Variants in BABAM2 observed in about 807,000 individuals in gnomAD.
The protein encoded by BABAM2 is BRISC and BRCA1 A complex member 2, also known as BRISC and BRCA1-A complex member 2.
A neutral mutation model predicts 54.7 loss-of-function variants in BABAM2; 31 were observed. The ratio of observed to expected loss-of-function variants is 0.57; its 90% CI spans 0.43 to 0.77. The LOEUF (loss-of-function observed/expected upper bound fraction) is 0.77. Ranked by LOEUF, BABAM2 falls within the 30% of genes least tolerant of loss-of-function variation. The pLI, the probability that BABAM2 is intolerant of heterozygous loss-of-function variation, is 0.00. For missense variants in BABAM2, 364 were observed against 455.8 expected, an observed-to-expected ratio of 0.80 and a Z score of 1.83; for synonymous variants, 167 against 162.9, an observed-to-expected ratio of 1.03 and a Z score of -0.19.
chr2:28,138,765 AT>A (rs1427112025), intron 7 of BABAM2, among the ~76,000 whole-genome samples: 3 of 152,048 alleles, frequency 2.0e-5, no homozygotes, highest in African/African-American at 7.2e-5. Flanking sequence ...ACCTCTTGCT[AT>A]TGCTTCCCAT....
In BABAM2 at chr2:28,286,991, C is replaced by G. The variant is rs904263834; in HGVS notation, c.935-11347C>G. Among the ~76,000 whole-genome samples the G allele has an allele frequency of 2.6e-5, 4 of 152,092 alleles. No homozygotes were observed. In the South Asian group the frequency reaches 8.3e-4, roughly 32 times the overall value. ...ACTTTTTTTTTTCTTCCTAAAGCCACATTAGTCATACTTCGCATTGGGGTA... is the reference window on the plus strand; with the variant it reads ...ACTTTTTTTTTTCTTCCTAAAGCCAGATTAGTCATACTTCGCATTGGGGTA... On this transcript the variant is annotated intron_variant, in intron 10 of 11. Coordinates refer to ENST00000379624, the MANE Select transcript of BABAM2 (RefSeq NM_199191.3).
chr2:28,272,219 T>G (rs1011138217), intron 10 of BABAM2, among the ~76,000 whole-genome samples: 1 of 152,252 alleles, frequency 6.6e-6, no homozygotes, highest in Non-Finnish European at 1.5e-5. Context: ...AGAACTTCAA[T>G]TCAAAGGACA....
At chr2:28,028,998 C>T (rs943545758) in intron 5 of BABAM2, among the ~76,000 whole-genome samples, 3 of 152,116 alleles carry the variant, frequency 2.0e-5, no homozygotes, top group African/African-American at 7.2e-5. Flanking sequence ...AATTCATGAC[C>T]TCAGGTGATC....
chr2:28,217,501 C>G (rs959130779), intron 7 of BABAM2, among the ~76,000 whole-genome samples: 6 of 152,178 alleles, frequency 3.9e-5, no homozygotes, highest in Non-Finnish European at 7.3e-5. Context: ...ATTATTATCC[C>G]CATTTCATAG....
At chr2:28,319,939 A>C (rs1285690172) in intron 11 of BABAM2, among the ~76,000 whole-genome samples, 1 of 152,118 alleles carries the variant, frequency 6.6e-6, no homozygotes, top group Non-Finnish European at 1.5e-5. Flanking sequence ...CCCACTGCGC[A>C]GTGTGTGCTG....
At chr2:28,229,082 T>A (rs1050438098) in intron 7 of BABAM2, among the ~76,000 whole-genome samples, 1 of 152,172 alleles carries the variant, frequency 6.6e-6, no homozygotes, top group Admixed American at 6.5e-5. Flanking sequence ...AAAATAAGTT[T>A]AATAAATATT....
intron 2 of BABAM2, among the ~76,000 whole-genome samples, chr2:27,902,943 GAGAA>G (rs1196654778): frequency 6.6e-6 from 1 of 151,822 alleles, no homozygotes; most frequent in African/African-American, 2.4e-5. Context: ...GAGAGAGAGA[GAGAA>G]AGAGAGTTTT....
At chr2:28,222,448 G>A (rs1043026444) in intron 7 of BABAM2, among the ~76,000 whole-genome samples, 7 of 152,300 alleles carry the variant, frequency 4.6e-5, no homozygotes, top group African/African-American at 1.2e-4. Context: ...GAGTCTGAGC[G>A]AAACTACTTT....
intron 7 of BABAM2, among the ~76,000 whole-genome samples, chr2:28,189,751 C>T (rs1185305215): frequency 6.6e-6 from 1 of 151,664 alleles, no homozygotes; most frequent in Non-Finnish European, 1.5e-5. Flanking sequence ...AAAATCTCAG[C>T]AGACTTTTTT....
intron 5 of BABAM2, among the ~76,000 whole-genome samples, chr2:28,044,184 G>C (rs953184315): frequency 1.3e-5 from 2 of 152,122 alleles, no homozygotes; most frequent in Non-Finnish European, 2.9e-5. Flanking sequence ...ATATATTTCT[G>C]TCTGTATTTT....
chr2:28,184,504 G>A (rs939185852), intron 7 of BABAM2, among the ~76,000 whole-genome samples: 5 of 134,412 alleles, frequency 3.7e-5, no homozygotes, highest in Non-Finnish European at 7.8e-5. Context: ...ACAGGCCCCG[G>A]TATGTGATGT....
chr2:28,053,091 T>G (rs1678122068), intron 6 of BABAM2, among the ~76,000 whole-genome samples: 1 of 152,212 alleles, frequency 6.6e-6, no homozygotes, highest in African/African-American at 2.4e-5. Flanking sequence ...GTGGTATGTA[T>G]TGATTATAAT....
intron 9 of BABAM2, among the ~76,000 whole-genome samples, chr2:28,244,236 TA>T (rs1682713462): frequency 6.6e-6 from 1 of 152,156 alleles, no homozygotes; most frequent in Admixed American, 6.5e-5. Context: ...GTGATTGCCC[TA>T]ACCCAGCTCA....
intron 7 of BABAM2, among the ~76,000 whole-genome samples, chr2:28,175,365 C>T (rs1674806447): frequency 6.6e-6 from 1 of 152,204 alleles, no homozygotes; most frequent in Admixed American, 6.5e-5. Flanking sequence ...ACCTTGTGCA[C>T]CATAGCCTGC....
chr2:27,890,006 C>A (rs1664685797), upstream of BABAM2: 1 of 388,978 alleles, frequency 2.6e-6, no homozygotes, highest in Non-Finnish European at 4.6e-6. This position sits in a 1 kb window ranked among gnomAD's most constrained non-coding sequence, Gnocchi z 4.8. Context: ...CTTTGGGGAG[C>A]GCTTTGAGTA....
intron 4 of BABAM2, among the ~76,000 whole-genome samples, chr2:27,990,778 A>C (rs1188619097): frequency 6.6e-6 from 1 of 152,066 alleles, no homozygotes. Context: ...TCTCAGTTTG[A>C]GAAATGTAGT....
intron 7 of BABAM2, among the ~76,000 whole-genome samples, chr2:28,198,806 C>G (rs1025374070): frequency 1.7e-4 from 26 of 152,100 alleles, no homozygotes; most frequent in African/African-American, 6.3e-4. Flanking sequence ...TTGCAGGATA[C>G]AAGTGGGAGG....
In BABAM2 at chr2:28,322,890, A is replaced by G. The variant is rs1690140420; in HGVS notation, c.1089-15560A>G. Reference sequence around the variant, plus strand: ...CCTTGTATAAATGTAAATTATCATTATTGTCATTAAAGGGGCTAGACGTCT... The same window carrying G: ...CCTTGTATAAATGTAAATTATCATTGTTGTCATTAAAGGGGCTAGACGTCT... On this transcript the variant is annotated intron_variant, in intron 11 of 11. Coordinates refer to ENST00000379624, the MANE Select transcript of BABAM2 (RefSeq NM_199191.3). This position sits in a 1 kb window ranked among gnomAD's most constrained non-coding sequence, Gnocchi z 4.1. 6.6e-6 allele frequency among the ~76,000 whole-genome samples: 1 copy of G among 152,228 alleles called. No individual in the cohort carries two copies. Among genetic ancestry groups the G allele is most frequent in the Admixed American group, 6.5e-5 (1 of 15,292 alleles).
In BABAM2 at chr2:28,273,641, C is replaced by T. The variant is rs952884015; in HGVS notation, c.935-24697C>T. ...GGATGAGGTACGAGAATTGCTTGAA[C>T]CTGGGAGGCAGAGGTTGCAGTGAGC... On this transcript the variant is annotated intron_variant, in intron 10 of 11. Coordinates refer to ENST00000379624, the MANE Select transcript of BABAM2 (RefSeq NM_199191.3). Among the ~76,000 whole-genome samples, 9 of 152,072 alleles carry T rather than the reference C, an allele frequency of 5.9e-5. No individual in the cohort carries two copies. The East Asian group carries it at 1.7e-3, about 29-fold the overall frequency.
Sources: allele counts gnomAD v4.1 joint callset (sites outside exome capture counted in the v4.1 genomes callset), GRCh38; gene constraint gnomAD v4.1.1; non-coding constraint Gnocchi (gnomAD v3.1); transcripts MANE v1.5; gene names NCBI Gene and HGNC (gene_info 2026-07-23, HGNC 2026-07-21).